The following WRNIP1 variants were observed in gnomAD, a reference collection of about 807,000 sequenced individuals.
The protein encoded by WRNIP1 is WRN helicase interacting protein 1.
Under a neutral mutation model 56.1 loss-of-function variants are expected in WRNIP1, and 41 were observed. The observed-to-expected ratio is 0.73, with a 90% CI of 0.57 to 0.95. The LOEUF is 0.95. Among genes scored for constraint, WRNIP1 ranks in the 40% least tolerant of loss-of-function variants. The pLI is 0.00. For synonymous variants in WRNIP1, 547 were observed against 398.1 expected, an observed-to-expected ratio of 1.37 and a Z score of -4.45; for missense variants, 1,170 against 939.4, an observed-to-expected ratio of 1.25 and a Z score of -3.21.
At chr6:2,778,921 TAA>T (rs1387743247) in intron 3 of WRNIP1, among the ~76,000 whole-genome samples, 1 of 152,236 alleles carries the variant, frequency 6.6e-6, no homozygotes, top group African/African-American at 2.4e-5. Context: ...GCATTTCTAA[TAA>T]AGTTTTCACT....
intron 3 of WRNIP1, among the ~76,000 whole-genome samples, chr6:2,772,733 C>G (rs1765333816): frequency 6.6e-6 from 1 of 152,176 alleles, no homozygotes; most frequent in Non-Finnish European, 1.5e-5. Context: ...CAAGTGATTT[C>G]CGAATACAAG....
chr6:2,765,984 G>A lies in WRNIP1; in HGVS notation c.362G>A (p.Arg121His). Residue 121 changes from arginine to histidine, a missense_variant, in exon 1 of 7, where the codon CGC (arginine) becomes CAC (histidine). Coordinates refer to ENST00000380773, the MANE Select transcript of WRNIP1 (RefSeq NM_020135.3). ...GCGCCGCCCACACCCAGCGGCGCCC[G>A]CCTTATCCCCGACTTCCCGGTGGCC... ...YDAPPTPSGA[R>H]LIPDFPVARS... 1.4e-6 allele frequency: 2 copies of A among 1,399,180 alleles called. No individual in the cohort carries two copies. 86.7% of individuals were successfully genotyped at this position (1,399,180 alleles called of 1,614,324 possible). A position where few individuals can be genotyped will look rare whatever the true frequency, so the allele number is the denominator to read the frequency against.
In WRNIP1 at chr6:2,786,449, AGTTGCC is replaced by A. The variant is rs2113491340; in HGVS notation, c.*1168_*1173del. 6.6e-6 allele frequency: 1 copy of A among 152,476 alleles called. No homozygotes were observed. Among genetic ancestry groups the A allele is most frequent in the East Asian group, 1.9e-4 (1 of 5,186 alleles). 9.4% of individuals were successfully genotyped at this position (152,476 alleles called of 1,614,324 possible). On this transcript the variant is annotated 3_prime_UTR_variant, in exon 7 of 7. Transcript: ENST00000380773. ...CTGGAGTGGTTGCACTGCAGTGTGC[AGTTGCC>A]ATCCCCAGAATCTCCCTTCATCATC... is the stretch of plus-strand genomic sequence containing the variant.
intron 3 of WRNIP1, among the ~76,000 whole-genome samples, chr6:2,772,354 C>T (rs1421657397): frequency 1.3e-5 from 2 of 152,178 alleles, no homozygotes; most frequent in Non-Finnish European, 2.9e-5. Context: ...TAGACTTGAT[C>T]CCAATTATAT....
At chr6:2,773,775 A>G (rs1765367139) in intron 3 of WRNIP1, 1 of 983,902 alleles carries the variant, frequency 1.0e-6, no homozygotes, top group Non-Finnish European at 1.2e-6. Context: ...CTCCTAAAGA[A>G]TCAATTATTT....
chr6:2,772,352 A>G (rs1366808513), intron 3 of WRNIP1, among the ~76,000 whole-genome samples: 1 of 152,172 alleles, frequency 6.6e-6, no homozygotes, highest in Admixed American at 6.5e-5. Context: ...CTTAGACTTG[A>G]TCCCAATTAT....
At chr6:2,783,080 T>TCC (rs11378197) in intron 4 of WRNIP1, among the ~76,000 whole-genome samples, 45 of 152,062 alleles carry the variant, frequency 3.0e-4, no homozygotes, top group Non-Finnish European at 5.7e-4. Context: ...AGAAGACTCG[T>TCC]CCCCCTCCAC....
Position 2,765,529 on chromosome 6 carries a change from T to C in WRNIP1, c.-94T>C. 7.7e-7 allele frequency: 1 copy of C among 1,304,094 alleles called. No individual in the cohort carries two copies. The highest frequency in any genetic ancestry group is 9.7e-7 in the Non-Finnish European group (1 of 1,031,128). 80.8% of individuals were successfully genotyped at this position (1,304,094 alleles called of 1,614,324 possible). The stretch of plus-strand genomic sequence containing the variant: ...CCTGCTGGTTCCCCGAGCGAGGGTC[T>C]CGCGGCGCGGGGCCTAGCGGAGGGC... On this transcript the variant is annotated 5_prime_UTR_variant, in exon 1 of 7. Transcript: ENST00000380773.
At chr6:2,782,718 C>T (rs1392857450) in intron 4 of WRNIP1, among the ~76,000 whole-genome samples, 2 of 152,150 alleles carry the variant, frequency 1.3e-5, no homozygotes, top group Non-Finnish European at 2.9e-5. Context: ...TTAAATATGC[C>T]TTTTTTTAAA....
chr6:2,782,297 T>C (rs1259280018), intron 4 of WRNIP1, among the ~76,000 whole-genome samples: 1 of 152,194 alleles, frequency 6.6e-6, no homozygotes, highest in East Asian at 1.9e-4. Context: ...GACACTCAGT[T>C]TGTTCTCAGA....
chr6:2,777,030 G>A (rs3823106), intron 3 of WRNIP1, among the ~76,000 whole-genome samples: 21,133 of 152,186 alleles, frequency 0.14, 1,838 homozygotes, highest in East Asian at 0.32. Context: ...TTTTGTTTTA[G>A]GTTAGCTGTA....
chr6:2,779,670 C>T (rs1197241123), intron 4 of WRNIP1, among the ~76,000 whole-genome samples, 178 bp downstream of exon 4: 2 of 152,178 alleles, frequency 1.3e-5, no homozygotes, highest in African/African-American at 4.8e-5. Flanking sequence ...GCTGACCTTT[C>T]CGAAGAGAGG....
chr6:2,778,959 C>G (rs1765495086), intron 3 of WRNIP1, among the ~76,000 whole-genome samples: 1 of 152,192 alleles, frequency 6.6e-6, no homozygotes, highest in Admixed American at 6.5e-5. Flanking sequence ...ACCAGAGAGA[C>G]CACCTGTCAA....
At chr6:2,784,038 C>T (rs1765647588) in intron 5 of WRNIP1, among the ~76,000 whole-genome samples, 1 of 152,162 alleles carries the variant, frequency 6.6e-6, no homozygotes, top group African/African-American at 2.4e-5. Flanking sequence ...TGAATGTCTC[C>T]ATAGCCTTCA....
rs763383100 is a variant in WRNIP1 at position 2,783,369 on chromosome 6, G to A, written c.1487-37G>A. The stretch of plus-strand genomic sequence containing the variant: ...TGAAGATGGCTTGGGCGCCCCTCCT[G>A]TGAGCTCTGTGTGAGTGGTGCTCTT... On this transcript the variant is annotated intron_variant, in intron 4 of 6. Coordinates refer to ENST00000380773, the MANE Select transcript of WRNIP1 (RefSeq NM_020135.3). The A allele has an allele frequency of 3.9e-6, 6 of 1,519,870 alleles. No homozygotes were observed. In the Admixed American group the frequency reaches 5.7e-5, roughly 15 times the overall value. The allele number at this position is 1,519,870 out of a possible 1,614,324, so 94.1% of individuals were successfully genotyped here.
rs1257144517 is a variant in WRNIP1 at position 2,783,316 on chromosome 6, A to G, written c.1487-90A>G. 13 of 1,394,654 alleles carry G rather than the reference A, an allele frequency of 9.3e-6. No individual in the cohort carries two copies. In the East Asian group the frequency reaches 1.3e-4, roughly 14 times the overall value. The allele number at this position is 1,394,654 out of a possible 1,614,324, so 86.4% of individuals were successfully genotyped here. ...GCTTTCTCAGGGCCTTTATTCGTTCAGGCTTTCTGGAAGTCAGCTGGCGGA... is the reference window on the plus strand; with the variant it reads ...GCTTTCTCAGGGCCTTTATTCGTTCGGGCTTTCTGGAAGTCAGCTGGCGGA... On this transcript the variant is annotated intron_variant, in intron 4 of 6. Transcript: ENST00000380773.
rs949517443 is a variant in WRNIP1 at position 2,773,960 on chromosome 6, C to G, written c.1256+3599C>G. ...GGGTGTGGGGCTTTTCTCTAATCAT[C>G]TGGAGAGGAGAGCCCCTGACAAGCT... On this transcript the variant is annotated intron_variant, in intron 3 of 6. Coordinates refer to ENST00000380773, the MANE Select transcript of WRNIP1 (RefSeq NM_020135.3). The G allele has an allele frequency of 1.0e-5, 10 of 985,260 alleles. No homozygotes were observed. In the African/African-American group the frequency reaches 1.4e-4, roughly 14 times the overall value. 61.0% of individuals were successfully genotyped at this position (985,260 alleles called of 1,614,324 possible).
rs1765230496 is a variant in WRNIP1, at chr6:2,770,435, C to T, written c.1256+74C>T. 12 of 1,581,322 alleles carry T rather than the reference C, an allele frequency of 7.6e-6. No individual in the cohort carries two copies. The South Asian group carries it at 1.0e-4, about 14-fold the overall frequency. ...TCTCCTGGCAGGGGGCCAGAAAGGG[C>T]CGGGCGTCAGTGAGGAGAGGGTGGG... On this transcript the variant is annotated intron_variant, in intron 3 of 6. Coordinates refer to ENST00000380773, the MANE Select transcript of WRNIP1 (RefSeq NM_020135.3).
rs187735851 is a variant in WRNIP1, at chr6:2,770,965, T to C, written c.1256+604T>C. Among the ~76,000 whole-genome samples the C allele has an allele frequency of 1.8e-3, 278 of 152,358 alleles. 1 individual carries two copies. Among genetic ancestry groups the C allele is most frequent in the African/African-American group, 6.4e-3 (266 of 41,592 alleles). On this transcript the variant is annotated intron_variant, in intron 3 of 6. Coordinates refer to ENST00000380773, the MANE Select transcript of WRNIP1 (RefSeq NM_020135.3). ...CTTTTAGTGACCTATTTCTGCATCA[T>C]GAGTACCACATGAGCTCGTTAATGC...
Sources: allele counts gnomAD v4.1 joint callset (sites outside exome capture counted in the v4.1 genomes callset), GRCh38; gene constraint gnomAD v4.1.1; transcripts MANE v1.5; gene names NCBI Gene and HGNC (gene_info 2026-07-23, HGNC 2026-07-21).